Variants in CALHM4 observed in about 807,000 individuals in gnomAD.
CALHM4 encodes calcium homeostasis modulator family member 4.
A neutral mutation model predicts 13.3 loss-of-function variants in CALHM4; 16 were observed. That is an observed-to-expected ratio of 1.20 (90% CI 0.81 to 1.82). The LOEUF is 1.82. Among genes scored for constraint, CALHM4 ranks in the 40% most tolerant of loss-of-function variants. The pLI is 0.00. For missense variants in CALHM4, 344 were observed against 374.9 expected (o/e 0.92, Z 0.68); for synonymous variants, 127 against 137.1 (o/e 0.93, Z 0.52).
At chr6:116,541,261 G>A (rs1295198965) in intron 1 of CALHM4, among the ~76,000 whole-genome samples, 1 of 152,182 alleles carries the variant, frequency 6.6e-6, no homozygotes, top group East Asian at 1.9e-4. Flanking sequence ...AGAAAGGTCA[G>A]AATCTCTATC....
At chr6:116,553,641 C>T (rs1213474308), upstream of CALHM4, 8 of 720,728 alleles carry the variant, frequency 1.1e-5, no homozygotes, top group Admixed American at 2.9e-5. Flanking sequence ...TCAAAGTACA[C>T]AAGGAAAGAT....
upstream of CALHM4, among the ~76,000 whole-genome samples, chr6:116,550,011 TATATATATATATATACAC>T (rs1257907263): frequency 2.6e-5 from 2 of 75,684 alleles, no homozygotes; most frequent in African/African-American, 4.3e-5. Context: ...TATATATATA[TATATATATATATATACAC>T]ACACACACAC....
chr6:116,540,434 C>A, intron 1 of CALHM4: 2 of 1,551,306 alleles, frequency 1.3e-6, no homozygotes, highest in Non-Finnish European at 1.7e-6. Context: ...AAAAAGTCTT[C>A]CACAAGCCGC....
chr6:116,553,691 G>A, upstream of CALHM4: 2 of 1,069,370 alleles, frequency 1.9e-6, no homozygotes, highest in Non-Finnish European at 2.7e-6. Context: ...TGGATCACTT[G>A]ACACAACCAG....
At chr6:116,556,920 C>T (rs1774340542) in intron 1 of CALHM4, among the ~76,000 whole-genome samples, 1 of 148,708 alleles carries the variant, frequency 6.7e-6, no homozygotes, top group Admixed American at 6.8e-5. Flanking sequence ...AGTGACTATG[C>T]TATTCATTTA....
chr6:116,553,180 G>C (rs1173538393), upstream of CALHM4, among the ~76,000 whole-genome samples: 1 of 152,210 alleles, frequency 6.6e-6, no homozygotes, highest in African/African-American at 2.4e-5. Flanking sequence ...GCAATATTCT[G>C]TCAATGCAAG....
At position 116,553,907 on chromosome 6, in the gene CALHM4, A is replaced by T; in HGVS notation, c.114A>T (p.Thr38=). The T allele has an allele frequency of 6.4e-7, 1 of 1,550,666 alleles. No homozygotes were observed. Among genetic ancestry groups the T allele is most frequent in the Non-Finnish European group, 8.7e-7 (1 of 1,147,004 alleles). The change falls in exon 1 of 2, where the codon ACA becomes ACT. Residue 38 remains threonine (T), a synonymous_variant. Coordinates refer to ENST00000368596, the MANE Select transcript of CALHM4 (RefSeq NM_001366078.2). ...IGGQQLFSSS[T]FSCPCQVGKN... is the part of the protein sequence containing the mutation. ...GGCAACAACTCTTCTCCTCTTCTAC[A>T]TTCAGCTGTCCTTGTCAGGTTGGAA... is the stretch of plus-strand genomic sequence containing the variant.
chr6:116,554,255 A>G lies in CALHM4; in HGVS notation c.462A>G (p.Glu154=). ...MFDNVSASKR[E]EILAGFPCCR... is the part of the protein sequence containing the mutation. ...ATAATGTCAGTGCCAGCAAACGAGA[A>G]GAGATCCTGGCTGGGTTTCCATGTT... Residue 154 remains glutamate, a synonymous_variant, in exon 1 of 2, where the codon GAA becomes GAG. Transcript: ENST00000368596. 1 of 1,550,618 alleles carries G rather than the reference A, an allele frequency of 6.4e-7. No homozygotes were observed. Among genetic ancestry groups the G allele is most frequent in the Non-Finnish European group, 8.7e-7 (1 of 1,146,968 alleles).
intron 1 of CALHM4, among the ~76,000 whole-genome samples, chr6:116,538,349 C>T (rs9488960): frequency 6.6e-6 from 1 of 152,166 alleles, no homozygotes; most frequent in Non-Finnish European, 1.5e-5. Flanking sequence ...GACCCTACAT[C>T]GTGTGACAGA....
chr6:116,537,389 G>A (rs1462572005), intron 1 of CALHM4, among the ~76,000 whole-genome samples: 2 of 152,126 alleles, frequency 1.3e-5, no homozygotes, highest in Non-Finnish European at 2.9e-5. Context: ...TGTACCATTA[G>A]GAGGTCAAAT....
intron 1 of CALHM4, among the ~76,000 whole-genome samples, chr6:116,533,462 C>T (rs1247502961): frequency 2.0e-5 from 3 of 152,226 alleles, no homozygotes; most frequent in Non-Finnish European, 4.4e-5. Flanking sequence ...GCCACCTCTT[C>T]CTTCCACCAG....
upstream of CALHM4, among the ~76,000 whole-genome samples, chr6:116,549,221 A>C (rs1773940570): frequency 6.6e-6 from 1 of 152,198 alleles, no homozygotes; most frequent in South Asian, 2.1e-4. Flanking sequence ...TGGGAGGTGG[A>C]GGTTGCAGTA....
rs1772960890 is a variant in CALHM4 at position 116,534,665 on chromosome 6, C to A, written c.-109+5475C>A. On this transcript the variant is annotated intron_variant, in intron 1 of 2. Transcript: ENST00000368597. ...AAAATTCACCACTTAGATTTACTTC[C>A]CTGCTTTAGGCACCCTCATTCATAT... Among the ~76,000 whole-genome samples, 5 of 152,242 alleles carry A rather than the reference C, an allele frequency of 3.3e-5. 1 individual carries two copies. In the South Asian group the frequency reaches 8.3e-4, roughly 25 times the overall value.
At chr6:116,538,471 T>C (rs1773229983) in intron 1 of CALHM4, among the ~76,000 whole-genome samples, 1 of 152,188 alleles carries the variant, frequency 6.6e-6, no homozygotes, top group Non-Finnish European at 1.5e-5. Context: ...CTTAAAAAAA[T>C]AAGTGAATAC....
chr6:116,529,685 C>G (rs1055892970), intron 1 of CALHM4, among the ~76,000 whole-genome samples: 1 of 152,194 alleles, frequency 6.6e-6, no homozygotes, highest in African/African-American at 2.4e-5. Flanking sequence ...GTGCCTTCCA[C>G]CCTCATGAGG....
chr6:116,530,902 C>CATAT (rs10557481), intron 1 of CALHM4, among the ~76,000 whole-genome samples: 1,736 of 76,244 alleles, frequency 0.023, 24 homozygotes, highest in East Asian at 0.039. Context: ...AAGTGAGACT[C>CATAT]ATATATATAT....
intron 1 of CALHM4, among the ~76,000 whole-genome samples, chr6:116,542,370 A>G (rs1773517873): frequency 6.6e-6 from 1 of 152,150 alleles, no homozygotes. Context: ...CAGAAAGAAG[A>G]AAAATGAGAG....
At chr6:116,544,691 G>A (rs1294475059) in intron 2 of CALHM4, among the ~76,000 whole-genome samples, 3 of 152,060 alleles carry the variant, frequency 2.0e-5, no homozygotes, top group Admixed American at 2.0e-4. Flanking sequence ...GCACTTGAGA[G>A]TCCCACAGGA....
At chr6:116,540,442 C>T (rs1257767421) in intron 1 of CALHM4, 15 of 1,551,304 alleles carry the variant, frequency 9.7e-6, no homozygotes, top group South Asian at 1.2e-5. Context: ...TTCCACAAGC[C>T]GCGTTCCAAT....
Sources: gnomAD v4.1 joint callset for allele counts (sites outside exome capture counted in the v4.1 genomes callset) on GRCh38, gnomAD v4.1.1 for gene constraint, MANE v1.5 for transcripts, NCBI Gene and HGNC (gene_info 2026-07-23, HGNC 2026-07-21) for gene names.